The following KLRG1 variants were observed in gnomAD, a reference collection of about 807,000 sequenced individuals.
The protein encoded by KLRG1 is killer cell lectin-like receptor subfamily G member 1.
In KLRG1, 16 loss-of-function variants were observed where a neutral mutation model predicts 21.8. The ratio of observed to expected loss-of-function variants is 0.73; its 90% CI spans 0.50 to 1.11. The LOEUF is 1.11. KLRG1 is among the 50% of genes most tolerant of loss of function. The probability of loss-of-function intolerance (pLI) is 0.00; values close to 1 mark genes in which losing one functional copy is unlikely to be tolerated. For missense variants in KLRG1, 173 were observed against 218.3 expected (o/e 0.79, Z 1.31); for synonymous variants, 69 against 75.9 (o/e 0.91, Z 0.47).
the KLRG1 span, chr12:9,072,690 C>A: frequency 6.2e-7 from 1 of 1,614,188 alleles, no homozygotes; most frequent in South Asian, 1.1e-5. Context: ...CACTTTCATG[C>A]TGTATTCCCC....
At chr12:9,077,671 C>G in the KLRG1 span, 2 of 1,609,364 alleles carry the variant, frequency 1.2e-6, no homozygotes, top group South Asian at 2.2e-5. Flanking sequence ...TCATAATGGA[C>G]AAATCAAAAC....
the KLRG1 span, chr12:9,135,024 AGCCGAGCCCC>A: frequency 6.3e-6 from 1 of 159,732 alleles, no homozygotes; most frequent in East Asian, 1.6e-4. Context: ...GAGGCAGCGC[AGCCGAGCCCC>A]GGCGTTCCCG....
chr12:9,054,243 T>C, the KLRG1 span, among the ~76,000 whole-genome samples: 1 of 152,230 alleles, frequency 6.6e-6, no homozygotes, highest in Non-Finnish European at 1.5e-5. Flanking sequence ...ATGTTCAATA[T>C]TAGAAATGTT....
the KLRG1 span, among the ~76,000 whole-genome samples, chr12:9,163,484 T>G: frequency 6.6e-6 from 1 of 151,850 alleles, no homozygotes; most frequent in East Asian, 1.9e-4. Context: ...ACTCAAATAA[T>G]TTGTGAAAAA....
At chr12:9,201,126 G>A in the KLRG1 span, 2 of 1,565,110 alleles carry the variant, frequency 1.3e-6, no homozygotes, top group African/African-American at 2.7e-5. Context: ...CAACTCAAAT[G>A]ATTTTGAAGG....
chr12:9,016,965 T>C, the KLRG1 span, among the ~76,000 whole-genome samples: 1 of 152,066 alleles, frequency 6.6e-6, no homozygotes, highest in African/African-American at 2.4e-5. Context: ...ACACTCATTC[T>C]ATGAGGCCAG....
the KLRG1 span, among the ~76,000 whole-genome samples, chr12:9,185,108 A>G: frequency 6.6e-6 from 1 of 152,228 alleles, no homozygotes; most frequent in Non-Finnish European, 1.5e-5. Context: ...AATAGAATTC[A>G]GACTATGGAT....
chr12:9,165,497 T>A, the KLRG1 span: 7 of 992,998 alleles, frequency 7.0e-6, no homozygotes, highest in Non-Finnish European at 1.0e-5. Context: ...TGTGCATTCG[T>A]GTGAACACTA....
chr12:9,072,612 T>C, the KLRG1 span: 2 of 1,600,086 alleles, frequency 1.2e-6, no homozygotes, highest in South Asian at 2.2e-5. Flanking sequence ...GAACAGCTGC[T>C]GTCCTCATCT....
the KLRG1 span, among the ~76,000 whole-genome samples, chr12:9,215,148 T>C: frequency 6.6e-6 from 1 of 152,054 alleles, no homozygotes; most frequent in Non-Finnish European, 1.5e-5. Context: ...ATGAAGCAGA[T>C]TGTTGCTTCT....
chr12:9,150,843 C>T, the KLRG1 span: 9 of 799,390 alleles, frequency 1.1e-5, no homozygotes, highest in Middle Eastern at 2.2e-4. Context: ...TCTTTTTCAC[C>T]AGTGTCTTTA....
chr12:8,972,341 TAG>T (rs1946584099), intron 1 of KLRG1, among the ~76,000 whole-genome samples: 1 of 152,182 alleles, frequency 6.6e-6, no homozygotes, highest in South Asian at 2.1e-4. Flanking sequence ...GTATTTTTAG[TAG>T]AGACGGGGTT....
At chr12:9,021,102 A>G in the KLRG1 span, among the ~76,000 whole-genome samples, 1 of 152,236 alleles carries the variant, frequency 6.6e-6, no homozygotes, top group Admixed American at 6.5e-5. Context: ...AAGATAAAAA[A>G]TGGTACACCT....
chr12:9,098,425 A>C, the KLRG1 span: 12 of 357,082 alleles, frequency 3.4e-5, 1 homozygote, highest in Non-Finnish European at 9.1e-6. Flanking sequence ...TGCAGAAGTG[A>C]GTAGTTATAT....
the KLRG1 span, among the ~76,000 whole-genome samples, chr12:9,185,932 C>T: frequency 4.6e-5 from 7 of 151,664 alleles, no homozygotes; most frequent in African/African-American, 7.3e-5. Context: ...CTCAGCCTCC[C>T]GAGTAGCTGG....
the KLRG1 span, among the ~76,000 whole-genome samples, chr12:9,155,545 G>A: frequency 6.6e-6 from 1 of 152,222 alleles, no homozygotes; most frequent in Non-Finnish European, 1.5e-5. Flanking sequence ...AGTTTCCACT[G>A]TAGAAGTTAT....
At chr12:9,162,601 G>C in the KLRG1 span, 6 of 1,586,760 alleles carry the variant, frequency 3.8e-6, no homozygotes, top group East Asian at 1.1e-4. Flanking sequence ...TCTTACCTGA[G>C]GCACAGGTCA....
the KLRG1 span, among the ~76,000 whole-genome samples, chr12:9,019,406 T>A: frequency 6.6e-6 from 1 of 152,192 alleles, no homozygotes; most frequent in South Asian, 2.1e-4. Flanking sequence ...GATCCAGCAA[T>A]ACCACTGCTA....
At chr12:9,015,069 A>G (rs1400802920), downstream of KLRG1, among the ~76,000 whole-genome samples, 6 of 152,184 alleles carry the variant, frequency 3.9e-5, no homozygotes, top group Admixed American at 2.6e-4. Flanking sequence ...AATCACCTTC[A>G]CTAAGAGGAA....
Sources: allele counts gnomAD v4.1 joint callset (sites outside exome capture counted in the v4.1 genomes callset), GRCh38; gene constraint gnomAD v4.1.1; transcripts MANE v1.5; gene names NCBI Gene and HGNC (gene_info 2026-07-23, HGNC 2026-07-21).